The following ATRNL1 variants were observed in gnomAD, a reference collection of about 807,000 sequenced individuals.
ATRNL1 encodes the protein attractin-like protein 1.
Under a neutral mutation model 182.7 loss-of-function variants are expected in ATRNL1, and 95 were observed. That is an observed-to-expected ratio of 0.52 (90% confidence interval 0.44 to 0.62). The LOEUF (loss-of-function observed/expected upper bound fraction) is 0.62. Ranked by LOEUF, ATRNL1 falls within the 20% of genes least tolerant of loss-of-function variation. The probability of loss-of-function intolerance (pLI) is 0.00; values close to 1 mark genes in which losing one functional copy is unlikely to be tolerated. For missense variants in ATRNL1, 1,471 were observed against 1,679.5 expected (o/e 0.88, Z 2.17); for synonymous variants, 576 against 568.3 (o/e 1.01, Z -0.19).
At chr10:115,309,434 T>A (rs1320256531) in intron 17 of ATRNL1, among the ~76,000 whole-genome samples, 3 of 152,178 alleles carry the variant, frequency 2.0e-5, no homozygotes, top group African/African-American at 7.2e-5. Flanking sequence ...TTTGTTTTTG[T>A]CATCTATGAT....
chr10:115,662,292 AT>A lies in ATRNL1; in HGVS notation c.3796-64954del, dbSNP rs530936022. Among the ~76,000 whole-genome samples the A allele has an allele frequency of 2.6e-3, 395 of 152,258 alleles. 1 individual carries two copies. Among genetic ancestry groups the A allele is most frequent in the African/African-American group, 8.8e-3 (367 of 41,556 alleles). On this transcript the variant is annotated intron_variant, in intron 26 of 28. Transcript: ENST00000355044. Reference sequence around the variant, plus strand: ...TCTCACACCAGTTCGAATGGTGATCATTAAAAAGTCAGGAAACAACAGGTGC... The same window carrying A: ...TCTCACACCAGTTCGAATGGTGATCATAAAAAGTCAGGAAACAACAGGTGC...
At chr10:115,666,432 G>A (rs1302000228) in intron 26 of ATRNL1, among the ~76,000 whole-genome samples, 1 of 152,074 alleles carries the variant, frequency 6.6e-6, no homozygotes, top group Non-Finnish European at 1.5e-5. Flanking sequence ...AGTTGGCTCG[G>A]TTGCTTTGGA....
At chr10:115,194,440 A>G (rs1272716844) in intron 8 of ATRNL1, among the ~76,000 whole-genome samples, 1 of 152,000 alleles carries the variant, frequency 6.6e-6, no homozygotes, top group Non-Finnish European at 1.5e-5. Context: ...TCATTATGTA[A>G]TAACCTTGTC....
chr10:115,717,278 C>T (rs1418386500), intron 26 of ATRNL1, among the ~76,000 whole-genome samples: 1 of 152,064 alleles, frequency 6.6e-6, no homozygotes. Context: ...AATTCTAACA[C>T]CATAGGAATG....
intron 26 of ATRNL1, among the ~76,000 whole-genome samples, chr10:115,592,807 G>T (rs535114093): frequency 2.0e-5 from 3 of 152,270 alleles, no homozygotes; most frequent in Admixed American, 6.5e-5. Context: ...AATTGCTTTT[G>T]TTGTTGAAAC....
At chr10:115,776,144 TA>T in intron 27 of ATRNL1, among the ~76,000 whole-genome samples, 1 of 152,118 alleles carries the variant, frequency 6.6e-6, no homozygotes, top group South Asian at 2.1e-4. Flanking sequence ...AATACATATT[TA>T]AAATAAATGA....
chr10:115,374,221 T>C (rs1857540608), intron 19 of ATRNL1, among the ~76,000 whole-genome samples: 1 of 151,844 alleles, frequency 6.6e-6, no homozygotes, highest in Non-Finnish European at 1.5e-5. Context: ...ATTTTCTTTA[T>C]ATGAATCTTT....
At chr10:115,581,794 G>T (rs956559393) in intron 26 of ATRNL1, among the ~76,000 whole-genome samples, 3 of 151,262 alleles carry the variant, frequency 2.0e-5, no homozygotes, top group Non-Finnish European at 4.4e-5. Context: ...TGCACAATGT[G>T]CAGGTTAGTT....
intron 27 of ATRNL1, among the ~76,000 whole-genome samples, chr10:115,809,013 T>C (rs1381464808): frequency 2.0e-5 from 3 of 152,268 alleles, no homozygotes; most frequent in African/African-American, 7.2e-5. Context: ...ATGTTTTGTT[T>C]GTTTGTTTTT....
At chr10:115,714,158 G>A (rs1177392611) in intron 26 of ATRNL1, among the ~76,000 whole-genome samples, 4 of 151,652 alleles carry the variant, frequency 2.6e-5, no homozygotes, top group Non-Finnish European at 5.9e-5. Context: ...GAAATGGAGT[G>A]GCTTATTTGA....
At chr10:115,396,937 C>A (rs577735505) in intron 20 of ATRNL1, among the ~76,000 whole-genome samples, 1 of 151,746 alleles carries the variant, frequency 6.6e-6, no homozygotes, top group East Asian at 1.9e-4. Context: ...TACATTTTCC[C>A]CGTTCTCATT....
chr10:115,191,599 G>A (rs1332128042), intron 8 of ATRNL1, among the ~76,000 whole-genome samples: 5 of 152,064 alleles, frequency 3.3e-5, no homozygotes, highest in Admixed American at 6.6e-5. Flanking sequence ...ACCAGGTAGA[G>A]GTAATTACAT....
At chr10:115,357,386 A>G (rs145347991) in intron 19 of ATRNL1, among the ~76,000 whole-genome samples, 19 of 152,006 alleles carry the variant, frequency 1.2e-4, no homozygotes, top group African/African-American at 4.1e-4. Context: ...CTAAATTCCA[A>G]TTTGGACACA....
chr10:115,609,862 T>G lies in ATRNL1; in HGVS notation c.3795+60326T>G, dbSNP rs538914554. ...TCAACATAAGTGGAAGGAGGATAGA[T>G]TTGTTCTTACGGTATCCGTGGCCCA... On this transcript the variant is annotated intron_variant, in intron 26 of 28. Coordinates refer to ENST00000355044, the MANE Select transcript of ATRNL1 (RefSeq NM_207303.4). Among the ~76,000 whole-genome samples, 15 of 152,202 alleles carry G rather than the reference T, an allele frequency of 9.9e-5. No homozygotes were observed. The South Asian group carries it at 3.1e-3, about 32-fold the overall frequency.
At chr10:115,748,168 G>T (rs1213103736) in intron 27 of ATRNL1, among the ~76,000 whole-genome samples, 2 of 151,990 alleles carry the variant, frequency 1.3e-5, no homozygotes, top group African/African-American at 4.8e-5. Context: ...AGAATGTACT[G>T]CTATTGCTTT....
intron 21 of ATRNL1, among the ~76,000 whole-genome samples, chr10:115,453,800 G>T (rs1357832045): frequency 1.4e-5 from 2 of 147,778 alleles, no homozygotes; most frequent in South Asian, 4.4e-4. Flanking sequence ...ACTGTTGTGG[G>T]GTTGGGGGAG....
chr10:115,275,181 G>A (rs1283384731), intron 13 of ATRNL1, among the ~76,000 whole-genome samples: 2 of 152,172 alleles, frequency 1.3e-5, no homozygotes, highest in African/African-American at 4.8e-5. Context: ...TCTTTCAGCT[G>A]CTGAGTATGT....
intron 26 of ATRNL1, among the ~76,000 whole-genome samples, chr10:115,627,742 A>G (rs1858200146): frequency 2.0e-5 from 3 of 152,104 alleles, no homozygotes. Flanking sequence ...CCTTTTGGCA[A>G]TTGTGAATAG....
intron 28 of ATRNL1, among the ~76,000 whole-genome samples, chr10:115,887,212 GTC>G (rs1951967184): frequency 6.6e-6 from 1 of 152,162 alleles, no homozygotes; most frequent in Non-Finnish European, 1.5e-5. Flanking sequence ...GAGGTCGACT[GTC>G]TCTCTGACAC....
Sources: gnomAD v4.1 joint callset for allele counts (sites outside exome capture counted in the v4.1 genomes callset) on GRCh38, gnomAD v4.1.1 for gene constraint, MANE v1.5 for transcripts, NCBI Gene and HGNC (gene_info 2026-07-23, HGNC 2026-07-21) for gene names.